The following DMXL1 variants were observed in gnomAD, a reference collection of about 807,000 sequenced individuals.
The protein encoded by DMXL1 is dmX-like protein 1.
DMXL1 carries 99 observed loss-of-function variants against 319.2 expected under a neutral mutation model. The ratio of observed to expected loss-of-function variants is 0.31; its 90% CI spans 0.26 to 0.37. DMXL1 has a LOEUF of 0.37. Ranked by LOEUF, DMXL1 falls within the 10% of genes least tolerant of loss-of-function variation. The pLI, the probability that DMXL1 is intolerant of heterozygous loss-of-function variation, is 1.00. For missense variants in DMXL1, 3,745 were observed against 3,595.6 expected (o/e 1.04, Z -1.06); for synonymous variants, 1,385 against 1,235.2 (o/e 1.12, Z -2.54).
rs1466945400 is a variant in DMXL1, at chr5:119,134,371, T to C, written c.2358T>C (p.Leu786=). The C allele has an allele frequency of 6.2e-7, 1 of 1,610,528 alleles. No individual in the cohort carries two copies. Among genetic ancestry groups the C allele is most frequent in the East Asian group, 2.2e-5 (1 of 44,864 alleles). The stretch of plus-strand genomic sequence containing the variant: ...ATGCTAAGAAACTTTTATCTGAGCT[T>C]TCTAACCCTGAAATTTCTGTAAGTA... ...VIDAKKLLSE[L]SNPEISKYVG... is the part of the protein sequence containing the mutation. The change falls in exon 13 of 44, where the codon CTT becomes CTC. Residue 786 remains leucine (L), a synonymous_variant. Coordinates refer to ENST00000539542, the MANE Select transcript of DMXL1 (RefSeq NM_001290321.3).
rs1404192319 is a variant in DMXL1, at chr5:119,220,922, G to C, written c.8136-18G>C. On this transcript the variant is annotated intron_variant, in intron 36 of 43. Transcript: ENST00000539542. ...GAAATGATGAGTTGTTTTTATTCTG[G>C]TTGACATTCCTTTATAGATCAGAAG... 1.9e-6 allele frequency: 3 copies of C among 1,607,802 alleles called. No individual in the cohort carries two copies. Among genetic ancestry groups the C allele is most frequent in the Non-Finnish European group, 2.5e-6 (3 of 1,177,698 alleles).
At chr5:119,072,329 G>T (rs918445348) in intron 1 of DMXL1, among the ~76,000 whole-genome samples, 2 of 151,948 alleles carry the variant, frequency 1.3e-5, no homozygotes, top group African/African-American at 2.4e-5. Context: ...CTACTTGTCA[G>T]TATAGTGGCA....
chr5:119,140,292 C>G (rs907729690), intron 13 of DMXL1, among the ~76,000 whole-genome samples: 1 of 151,972 alleles, frequency 6.6e-6, no homozygotes, highest in Non-Finnish European at 1.5e-5. Context: ...TGAAGGAAAT[C>G]GAAACACAAA....
chr5:119,221,146 A>G lies in DMXL1; in HGVS notation c.8277+65A>G, dbSNP rs1581405927. On this transcript the variant is annotated intron_variant, in intron 37 of 43. Coordinates refer to ENST00000539542, the MANE Select transcript of DMXL1 (RefSeq NM_001290321.3). ...TTTATTTTTCCCTCTAGGTTAATGG[A>G]TAAAGGATGATTTAAAACATTTTTC... 4.3e-6 allele frequency: 5 copies of G among 1,166,790 alleles called. No individual in the cohort carries two copies. The East Asian group carries it at 1.0e-4, about 24-fold the overall frequency. 72.3% of individuals were successfully genotyped at this position (1,166,790 alleles called of 1,614,324 possible).
chr5:119,076,240 C>G (rs1417271690), intron 1 of DMXL1, among the ~76,000 whole-genome samples: 2 of 152,150 alleles, frequency 1.3e-5, no homozygotes, highest in Non-Finnish European at 2.9e-5. Flanking sequence ...AATCAAAAGA[C>G]TGTAATTATG....
In DMXL1 at chr5:119,147,275, G is replaced by A. The variant is rs147704466; in HGVS notation, c.2716G>A (p.Glu906Lys). The A allele has an allele frequency of 1.1e-3, 1,807 of 1,612,940 alleles. 22 individuals carry two copies. The African/African-American group carries it at 0.021, about 19-fold the overall frequency. Residue 906 changes from glutamate to lysine, a missense_variant, in exon 17 of 44, where the codon GAA becomes AAA. Glu to Lys is a moderately conservative substitution (Grantham distance 56). Coordinates refer to ENST00000539542, the MANE Select transcript of DMXL1 (RefSeq NM_001290321.3). ...TGAAAAAGTAGATACAAAATTATCC[G>A]AAGCGGTTTGGCAGCCAGAAGAACA... ...LDEKVDTKLSEAVWQPEEHYS... is the reference protein window; with the variant it reads ...LDEKVDTKLSKAVWQPEEHYS...
chr5:119,184,553 A>G (rs1777354265), intron 28 of DMXL1, among the ~76,000 whole-genome samples: 1 of 152,222 alleles, frequency 6.6e-6, no homozygotes, highest in Admixed American at 6.5e-5. Flanking sequence ...TTTTAAGTAT[A>G]TAGTTTAGTA....
chr5:119,240,869 GTCTT>G (rs1317486095), intron 42 of DMXL1, among the ~76,000 whole-genome samples: 1 of 152,110 alleles, frequency 6.6e-6, no homozygotes, highest in Non-Finnish European at 1.5e-5. Context: ...AAATAAAACT[GTCTT>G]TATTCACAGA....
intron 16 of DMXL1, 111 bp downstream of exon 16, chr5:119,147,067 G>A (rs1768719307): frequency 2.4e-6 from 3 of 1,240,598 alleles, no homozygotes; most frequent in Admixed American, 5.0e-5. Flanking sequence ...ATTAAATGGT[G>A]ATAACTGTAG....
At chr5:119,102,195 G>T in intron 3 of DMXL1, 189 bp downstream of exon 3, 1 of 404,898 alleles carries the variant, frequency 2.5e-6, no homozygotes, top group Non-Finnish European at 4.4e-6. Context: ...AATAAATTGT[G>T]CCAATGAATT....
chr5:119,242,877 C>T (rs1433640062), intron 42 of DMXL1, among the ~76,000 whole-genome samples: 1 of 152,096 alleles, frequency 6.6e-6, no homozygotes, highest in Non-Finnish European at 1.5e-5. Flanking sequence ...ACAAATAATG[C>T]CAGAACAATT....
chr5:119,105,547 T>G (rs919703408), intron 4 of DMXL1, among the ~76,000 whole-genome samples: 9 of 152,048 alleles, frequency 5.9e-5, no homozygotes, highest in Non-Finnish European at 7.4e-5. Flanking sequence ...GACCTGAGAG[T>G]AAACAGACTT....
rs938979730 is a variant in DMXL1, at chr5:119,132,731, T to A, written c.1316-401T>A. On this transcript the variant is annotated intron_variant, in intron 10 of 43. Coordinates refer to ENST00000539542, the MANE Select transcript of DMXL1 (RefSeq NM_001290321.3). The stretch of plus-strand genomic sequence containing the variant: ...TTCTGGGTTGACAATTAGTCCTATA[T>A]TGGCATTGCTGCTGGCTATGAAACT... 3.6e-5 allele frequency: 19 copies of A among 528,506 alleles called. No homozygotes were observed. The African/African-American group carries it at 3.7e-4, about 10-fold the overall frequency. The allele number at this position is 528,506 out of a possible 1,614,324, so 32.7% of individuals were successfully genotyped here. A position where few individuals can be genotyped will look rare whatever the true frequency, so the allele number is the denominator to read the frequency against.
In DMXL1 at chr5:119,149,314, T is replaced by A; in HGVS notation, c.3487T>A (p.Phe1163Ile). The change falls in exon 18 of 44, where the codon TTT (phenylalanine) becomes ATT (isoleucine). Residue 1163 changes from phenylalanine (F) to isoleucine (I), a missense_variant. Physicochemically the swap from Phe to Ile is conservative, Grantham distance 21. Around this residue, in one of 4 missense-constraint regions of DMXL1, gnomAD observed 2,096 missense variants for 1,985.4 expected, o/e 1.06. Coordinates refer to ENST00000539542, the MANE Select transcript of DMXL1 (RefSeq NM_001290321.3). ...ILTVGIGSKLFMYGPLAGKVQ... is the reference protein window; with the variant it reads ...ILTVGIGSKLIMYGPLAGKVQ... ...GACTGTAGGAATTGGATCAAAACTT[T>A]TTATGTATGGACCCCTGGCTGGCAA... 1 of 1,613,932 alleles carries A rather than the reference T, an allele frequency of 6.2e-7. No homozygotes were observed. The highest frequency in any genetic ancestry group is 8.5e-7 in the Non-Finnish European group (1 of 1,179,874).
At chr5:119,122,417 G>A (rs568679475) in intron 9 of DMXL1, among the ~76,000 whole-genome samples, 56 of 151,198 alleles carry the variant, frequency 3.7e-4, no homozygotes, top group African/African-American at 1.3e-3. Flanking sequence ...CCTCCCGGAT[G>A]GGGCAGCTGG....
intron 1 of DMXL1, among the ~76,000 whole-genome samples, chr5:119,079,627 A>T (rs932512388): frequency 1.3e-5 from 2 of 152,162 alleles, no homozygotes; most frequent in African/African-American, 4.8e-5. Flanking sequence ...AACCACATTG[A>T]TGCTAATTTG....
intron 26 of DMXL1, among the ~76,000 whole-genome samples, chr5:119,177,013 G>A (rs988564236): frequency 1.3e-5 from 2 of 152,042 alleles, no homozygotes; most frequent in African/African-American, 4.8e-5. Context: ...TGTAGGGTAG[G>A]CTAGCCATTA....
chr5:119,136,689 G>A (rs866307415), intron 13 of DMXL1, among the ~76,000 whole-genome samples: 9 of 152,266 alleles, frequency 5.9e-5, no homozygotes, highest in Non-Finnish European at 1.3e-4. Context: ...AGGGGCCGTG[G>A]TACAGCTGCG....
intron 13 of DMXL1, among the ~76,000 whole-genome samples, chr5:119,135,360 C>T (rs960412758): frequency 3.9e-5 from 6 of 152,080 alleles, no homozygotes; most frequent in African/African-American, 1.4e-4. Context: ...TTAGGAATTG[C>T]CAAGTAAGTT....
Sources: allele counts gnomAD v4.1 joint callset (sites outside exome capture counted in the v4.1 genomes callset), GRCh38; gene constraint gnomAD v4.1.1; regional missense constraint gnomAD v4.1.1; transcripts MANE v1.5; gene names NCBI Gene and HGNC (gene_info 2026-07-23, HGNC 2026-07-21).